ZZEF1: variants seen among roughly 807,000 people sequenced by gnomAD.
ZZEF1 encodes the protein zinc finger ZZ-type and EF-hand domain containing 1, also known as zinc finger ZZ-type and EF-hand domain-containing protein 1.
Under a neutral mutation model 342.8 loss-of-function variants are expected in ZZEF1, and 157 were observed. That is an observed-to-expected ratio of 0.46 (90% confidence interval 0.40 to 0.52). ZZEF1 has a LOEUF of 0.52. Ranked by LOEUF, ZZEF1 falls within the 20% of genes least tolerant of loss-of-function variation. The pLI is 0.00. For missense variants in ZZEF1, 3,480 were observed against 3,725.6 expected, an observed-to-expected ratio of 0.93 and a Z score of 1.72; for synonymous variants, 1,505 against 1,429.1, an observed-to-expected ratio of 1.05 and a Z score of -1.20.
At chr17:4,083,500 A>G (rs2057762458) in intron 16 of ZZEF1, among the ~76,000 whole-genome samples, 1 of 152,204 alleles carries the variant, frequency 6.6e-6, no homozygotes, top group South Asian at 2.1e-4. Flanking sequence ...CTCTTCTCTG[A>G]AACCTTCCTC....
At position 4,123,978 on chromosome 17, in the gene ZZEF1, G is replaced by A. The variant is rs760053292; in HGVS notation, c.428C>T (p.Ser143Phe). ...CTCCCCCTGAAGATTAGCTCCACTG[G>A]AATTCTTGAGGGCCTCCAACATGTT... The part of the protein sequence containing the change: ...AENMLEALKN[S>F]SGANLQGELS... Residue 143 changes from serine (S) to phenylalanine (F), a missense_variant, in exon 2 of 55, where the codon TCC becomes TTC. Transcript: ENST00000381638. 10 of 1,613,846 alleles carry A rather than the reference G, an allele frequency of 6.2e-6. No individual in the cohort carries two copies. The Admixed American group carries it at 1.7e-4, about 27-fold the overall frequency.
intron 43 of ZZEF1, among the ~76,000 whole-genome samples, chr17:4,023,984 C>T (rs1164691067): frequency 1.3e-5 from 2 of 152,132 alleles, no homozygotes; most frequent in Non-Finnish European, 2.9e-5. Flanking sequence ...GTTGAGTGCC[C>T]TCCATGACCT....
At chr17:4,037,058 G>A (rs527401872) in intron 39 of ZZEF1, among the ~76,000 whole-genome samples, 15 of 152,256 alleles carry the variant, frequency 9.9e-5, no homozygotes, top group African/African-American at 2.6e-4. Flanking sequence ...AGAAGTCAGC[G>A]GGAATGGGTT....
intron 9 of ZZEF1, among the ~76,000 whole-genome samples, chr17:4,101,920 G>A (rs999171585): frequency 6.6e-6 from 1 of 151,960 alleles, no homozygotes; most frequent in Non-Finnish European, 1.5e-5. Context: ...GTGAGCCACT[G>A]CACCCGGCCT....
chr17:4,035,620 G>A (rs144174959), intron 39 of ZZEF1, among the ~76,000 whole-genome samples: 1 of 152,354 alleles, frequency 6.6e-6, no homozygotes, highest in African/African-American at 2.4e-5. Flanking sequence ...AAACGCAGAA[G>A]AGCAGCCTGA....
At position 4,017,143 on chromosome 17, in the gene ZZEF1, C is replaced by T. The variant is rs1384451549; in HGVS notation, c.8001+228G>A. ...CTGCACTTGGAAACTGGGAAGATGG[C>T]GACAAAGCTTTCTGGTTCAGCTGGA... On this transcript the variant is annotated intron_variant, in intron 48 of 54. Coordinates refer to ENST00000381638, the MANE Select transcript of ZZEF1 (RefSeq NM_015113.4). This position sits in a 1 kb window ranked among gnomAD's most constrained non-coding sequence, Gnocchi z 5.1. 1.3e-5 allele frequency: 7 copies of T among 559,092 alleles called. No homozygotes were observed. The highest frequency in any genetic ancestry group is 3.2e-5 in the East Asian group (1 of 31,576). 34.6% of individuals were successfully genotyped at this position (559,092 alleles called of 1,614,324 possible).
chr17:4,042,774 C>A (rs527391664), intron 38 of ZZEF1, among the ~76,000 whole-genome samples: 1 of 152,342 alleles, frequency 6.6e-6, no homozygotes, highest in South Asian at 2.1e-4. Context: ...CTCCACCTCC[C>A]GGGTTCAAGC....
chr17:4,066,893 T>C (rs977112114), intron 27 of ZZEF1, among the ~76,000 whole-genome samples: 3 of 152,140 alleles, frequency 2.0e-5, no homozygotes, highest in Non-Finnish European at 4.4e-5. Context: ...GGTTACCTAG[T>C]ATCTAAAGCG....
chr17:4,098,985 C>CTA (rs1265987887), intron 9 of ZZEF1, among the ~76,000 whole-genome samples: 1 of 152,168 alleles, frequency 6.6e-6, no homozygotes, highest in Non-Finnish European at 1.5e-5. Context: ...TATGTAAAGG[C>CTA]TAAACTATTG....
Position 4,009,661 on chromosome 17 carries a change from G to A in ZZEF1, c.8676C>T (p.Leu2892=), listed in dbSNP as rs1263411978. Residue 2892 remains leucine (L), a synonymous_variant, in exon 53 of 55, where the codon CTC becomes CTT. Transcript: ENST00000381638. ...LFEDVTQPGI[L]LPLHRALTEL... is the part of the protein sequence containing the mutation. The stretch of plus-strand genomic sequence containing the variant: ...CAGTGAGGGCACGATGCAGGGGAAG[G>A]AGGATGCCGGGCTGCGTCACGTCCT... 8 of 1,614,098 alleles carry A rather than the reference G, an allele frequency of 5.0e-6. No homozygotes were observed. The highest frequency in any genetic ancestry group is 5.9e-6 in the Non-Finnish European group (7 of 1,180,040).
chr17:4,138,215 T>C (rs1476419870), intron 1 of ZZEF1, among the ~76,000 whole-genome samples: 3 of 152,220 alleles, frequency 2.0e-5, no homozygotes, highest in Non-Finnish European at 2.9e-5. Flanking sequence ...TGTTGCTTTA[T>C]GGTGCACACA....
At chr17:4,033,191 T>TA (rs966701348) in intron 40 of ZZEF1, 189 bp from the exon 41 acceptor site, 5 of 565,988 alleles carry the variant, frequency 8.8e-6, no homozygotes, top group East Asian at 2.8e-5. Flanking sequence ...ACTTGTTACT[T>TA]ACATACTCAC....
intron 30 of ZZEF1, 127 bp from the exon 31 acceptor site, chr17:4,059,417 G>A (rs2057237946): frequency 1.7e-6 from 2 of 1,178,034 alleles, no homozygotes; most frequent in South Asian, 1.5e-5. Context: ...AGGAACTTAA[G>A]TAAATACAAA....
Position 4,029,509 on chromosome 17 carries a change from G to A in ZZEF1, c.6892+2617C>T, listed in dbSNP as rs76506012. On this transcript the variant is annotated intron_variant, in intron 42 of 54. Coordinates refer to ENST00000381638, the MANE Select transcript of ZZEF1 (RefSeq NM_015113.4). ...GACACCGAAAAAGAAAAAAAAAATA[G>A]TGGATGTGGCTAAAGTCATACTTAA... Among the ~76,000 whole-genome samples, 22 of 151,988 alleles carry A rather than the reference G, an allele frequency of 1.4e-4. No individual in the cohort carries two copies. The East Asian group carries it at 4.3e-3, about 29-fold the overall frequency.
intron 1 of ZZEF1, among the ~76,000 whole-genome samples, chr17:4,136,717 G>A (rs1310813087): frequency 6.6e-6 from 1 of 152,174 alleles, no homozygotes; most frequent in African/African-American, 2.4e-5. Flanking sequence ...CAGCTTGCAG[G>A]CAATGAGTAC....
chr17:4,060,292 T>A (rs1219105115), intron 30 of ZZEF1, among the ~76,000 whole-genome samples: 1 of 152,170 alleles, frequency 6.6e-6, no homozygotes, highest in Non-Finnish European at 1.5e-5. Flanking sequence ...AGGCCAGGCA[T>A]GGTGGCTCAC....
rs1597853733 is a variant in ZZEF1 at position 4,075,423 on chromosome 17, C to T, written c.3241G>A (p.Val1081Ile). Residue 1081 changes from valine (V) to isoleucine (I), a missense_variant, in exon 22 of 55, where the codon GTT (valine) becomes ATT (isoleucine). Physicochemically the swap from Val to Ile is conservative, Grantham distance 29. This residue lies in a region of ZZEF1 where 1,528 missense variants were observed against 1,624.1 expected (regional missense o/e 0.94). Transcript: ENST00000381638. ...GPEGGLRKLD[V>I]ETWQQEQPVV... ...GGCTGTTCCTGTTGCCAGGTCTCAA[C>T]ATCCAGCTATGATAACAAATGAGCC... 1 of 1,613,782 alleles carries T rather than the reference C, an allele frequency of 6.2e-7. No individual in the cohort carries two copies. The highest frequency in any genetic ancestry group is 8.5e-7 in the Non-Finnish European group (1 of 1,179,836).
chr17:4,112,851 T>A (rs1389208933), intron 4 of ZZEF1, 43 bp from the exon 5 acceptor site: 1 of 1,478,486 alleles, frequency 6.8e-7, no homozygotes, highest in Non-Finnish European at 9.0e-7. Flanking sequence ...TTTATAGGAG[T>A]CAAGAACTGA....
At chr17:4,130,406 T>G (rs1169010167) in intron 1 of ZZEF1, among the ~76,000 whole-genome samples, 1 of 152,000 alleles carries the variant, frequency 6.6e-6, no homozygotes, top group Non-Finnish European at 1.5e-5. Flanking sequence ...TGAGCTGAGA[T>G]CTCACCCTTG....
Sources: gnomAD v4.1 joint callset for allele counts (sites outside exome capture counted in the v4.1 genomes callset) on GRCh38, gnomAD v4.1.1 for gene constraint, gnomAD v4.1.1 regional missense constraint, Gnocchi (gnomAD v3.1) non-coding constraint, MANE v1.5 for transcripts, NCBI Gene and HGNC (gene_info 2026-07-23, HGNC 2026-07-21) for gene names.